Variants in NDFIP2 observed in about 807,000 individuals in gnomAD.
NDFIP2 encodes Nedd4 family interacting protein 2.
NDFIP2 carries 19 observed loss-of-function variants against 36.0 expected under a neutral mutation model. The ratio of observed to expected loss-of-function variants is 0.53; its 90% confidence interval spans 0.37 to 0.77. The LOEUF is 0.77. NDFIP2 is among the 30% of genes least tolerant of loss of function. The pLI, the probability that NDFIP2 is intolerant of heterozygous loss-of-function variation, is 0.00. For synonymous variants in NDFIP2, 181 were observed against 167.7 expected (o/e 1.08, Z -0.61); for missense variants, 446 against 435.8 (o/e 1.02, Z -0.21).
intron 1 of NDFIP2, among the ~76,000 whole-genome samples, chr13:79,505,483 A>G (rs906230814): frequency 6.6e-6 from 1 of 152,022 alleles, no homozygotes; most frequent in East Asian, 1.9e-4. Flanking sequence ...AATGTAATAA[A>G]TTGACCAGAT....
At chr13:79,542,850 T>C (rs1875511525) in intron 4 of NDFIP2, among the ~76,000 whole-genome samples, 3 of 152,022 alleles carry the variant, frequency 2.0e-5, no homozygotes, top group Non-Finnish European at 2.9e-5. Context: ...TTGTCAAGTA[T>C]TCAATTTTAT....
At chr13:79,522,742 C>G (rs1031326465) in intron 2 of NDFIP2, among the ~76,000 whole-genome samples, 2 of 152,170 alleles carry the variant, frequency 1.3e-5, no homozygotes, top group Non-Finnish European at 1.5e-5. Context: ...TACACTTCCT[C>G]AGTAGATGGT....
chr13:79,483,487 T>A (rs1440937866), intron 1 of NDFIP2, among the ~76,000 whole-genome samples: 2 of 152,214 alleles, frequency 1.3e-5, no homozygotes, highest in Non-Finnish European at 2.9e-5. Context: ...TATTTTGTGG[T>A]TGCCTTTAGC....
rs1443578713 is a variant in NDFIP2 at position 79,555,729 on chromosome 13, G to A, written c.*3216G>A. On this transcript the variant is annotated 3_prime_UTR_variant, in exon 8 of 8. Coordinates refer to ENST00000218652, the MANE Select transcript of NDFIP2 (RefSeq NM_019080.3). ...AATAGTCATATGAAAACATATATTT[G>A]ATAAAGGTCAATTGTTAGATGATAA... 1 of 151,974 alleles carries A rather than the reference G, an allele frequency of 6.6e-6. No homozygotes were observed. Among genetic ancestry groups the A allele is most frequent in the African/African-American group, 2.4e-5 (1 of 41,376 alleles). The allele number at this position is 151,974 out of a possible 1,614,324, so 9.4% of individuals were successfully genotyped here.
intron 1 of NDFIP2, among the ~76,000 whole-genome samples, chr13:79,482,149 T>TTTCC (rs1322559801): frequency 3.0e-4 from 34 of 111,912 alleles, no homozygotes; most frequent in Non-Finnish European, 4.9e-4. Flanking sequence ...AATCCCCACT[T>TTTCC]TTTCTTTCTT....
intron 1 of NDFIP2, among the ~76,000 whole-genome samples, chr13:79,488,594 A>G (rs1166608676): frequency 6.6e-6 from 1 of 152,182 alleles, no homozygotes; most frequent in Non-Finnish European, 1.5e-5. Flanking sequence ...GATTTATGCT[A>G]AAGGTAAGGG....
chr13:79,533,478 T>G lies in NDFIP2; in HGVS notation c.621+22T>G, dbSNP rs201084730. On this transcript the variant is annotated intron_variant, in intron 3 of 7. Coordinates refer to ENST00000218652, the MANE Select transcript of NDFIP2 (RefSeq NM_019080.3). ...AAGAGTAAGAAAATTTCATCATTTC[T>G]TTTGATAAAATTATTTTCGTTAATT... 5.6e-4 allele frequency: 880 copies of G among 1,574,074 alleles called. 1 individual carries two copies. Among genetic ancestry groups the G allele is most frequent in the Non-Finnish European group, 7.3e-4 (851 of 1,164,714 alleles).
chr13:79,551,194 GC>G, intron 7 of NDFIP2, 72 bp downstream of exon 7: 1 of 764,448 alleles, frequency 1.3e-6, no homozygotes, highest in East Asian at 2.7e-5. Context: ...CATATTAAAT[GC>G]CTAATGTGTA....
chr13:79,551,162 A>G (rs765860832), intron 7 of NDFIP2, 40 bp downstream of exon 7: 4 of 1,291,938 alleles, frequency 3.1e-6, no homozygotes, highest in Non-Finnish European at 4.3e-6. Context: ...TATTCCCTTT[A>G]TGTATTCAAA....
chr13:79,535,473 A>G (rs1264654496), intron 3 of NDFIP2, among the ~76,000 whole-genome samples: 1 of 152,196 alleles, frequency 6.6e-6, no homozygotes, highest in Non-Finnish European at 1.5e-5. Context: ...TGTAATCCTC[A>G]GCCAGAATTG....
intron 2 of NDFIP2, among the ~76,000 whole-genome samples, chr13:79,525,673 C>T (rs1247076605): frequency 1.3e-5 from 2 of 152,276 alleles, no homozygotes; most frequent in East Asian, 1.9e-4. Flanking sequence ...GGATGATTCA[C>T]ATCCTGGCCA....
intron 1 of NDFIP2, among the ~76,000 whole-genome samples, chr13:79,514,179 G>T (rs923983064): frequency 6.6e-6 from 1 of 152,080 alleles, no homozygotes; most frequent in African/African-American, 2.4e-5. Flanking sequence ...AGTAATTGTG[G>T]TTTTGCCATT....
chr13:79,500,541 G>C (rs1188251441), intron 1 of NDFIP2, among the ~76,000 whole-genome samples: 2 of 151,926 alleles, frequency 1.3e-5, no homozygotes, highest in African/African-American at 4.8e-5. Flanking sequence ...CACCACCGAA[G>C]ATATACAGAT....
intron 1 of NDFIP2, among the ~76,000 whole-genome samples, chr13:79,516,211 C>G (rs1874319269): frequency 6.6e-6 from 1 of 152,126 alleles, no homozygotes; most frequent in Non-Finnish European, 1.5e-5. Flanking sequence ...CACTAAAAAT[C>G]TAGTGCCATG....
chr13:79,554,019 T>A lies in NDFIP2; in HGVS notation c.*1506T>A, dbSNP rs1876009157. On this transcript the variant is annotated 3_prime_UTR_variant, in exon 8 of 8. Coordinates refer to ENST00000218652, the MANE Select transcript of NDFIP2 (RefSeq NM_019080.3). ...TTCCAAAAAATAAAATTTATTATGC[T>A]TTATAACCTCTTCTGTATTTTCTAA... The A allele has an allele frequency of 6.6e-6, 1 of 151,712 alleles. No homozygotes were observed. The highest frequency in any genetic ancestry group is 6.6e-5 in the Admixed American group (1 of 15,216). 9.4% of individuals were successfully genotyped at this position (151,712 alleles called of 1,614,324 possible). A position where few individuals can be genotyped will look rare whatever the true frequency, so the allele number is the denominator to read the frequency against.
At chr13:79,504,635 T>A (rs1466835883) in intron 1 of NDFIP2, among the ~76,000 whole-genome samples, 1 of 19,428 alleles carries the variant, frequency 5.1e-5, no homozygotes, top group African/African-American at 3.9e-4. Context: ...TTCTCTAAAT[T>A]TTTTTTTTTT....
intron 1 of NDFIP2, among the ~76,000 whole-genome samples, chr13:79,513,355 A>G (rs1280411615): frequency 6.6e-6 from 1 of 152,234 alleles, no homozygotes; most frequent in African/African-American, 2.4e-5. Context: ...AATGAAATCA[A>G]GATATTATAC....
chr13:79,486,897 A>G (rs1873013680), intron 1 of NDFIP2, among the ~76,000 whole-genome samples: 1 of 152,222 alleles, frequency 6.6e-6, no homozygotes, highest in Non-Finnish European at 1.5e-5. Flanking sequence ...AGGCTAGACC[A>G]TACGGCATAG....
intron 3 of NDFIP2, 95 bp downstream of exon 3, chr13:79,533,551 T>C: frequency 8.4e-7 from 1 of 1,183,858 alleles, no homozygotes; most frequent in Non-Finnish European, 1.1e-6. Context: ...TGTGTAAGTG[T>C]GTATGTAGAT....
Sources: allele counts gnomAD v4.1 joint callset (sites outside exome capture counted in the v4.1 genomes callset), GRCh38; gene constraint gnomAD v4.1.1; transcripts MANE v1.5; gene names NCBI Gene and HGNC (gene_info 2026-07-23, HGNC 2026-07-21).